The following MLLT3 variants were observed in gnomAD, a reference collection of about 807,000 sequenced individuals.
MLLT3 encodes the protein protein AF-9.
Under a neutral mutation model 53.2 loss-of-function variants are expected in MLLT3, and 4 were observed. The observed-to-expected ratio is 0.08, with a 90% CI of 0.04 to 0.17. The LOEUF (loss-of-function observed/expected upper bound fraction) is 0.17. Among genes scored for constraint, MLLT3 ranks in the 10% least tolerant of loss-of-function variants. MLLT3 has a pLI of 1.00. For synonymous variants in MLLT3, 283 were observed against 230.6 expected, an observed-to-expected ratio of 1.23 and a Z score of -2.06; for missense variants, 569 against 684.0, an observed-to-expected ratio of 0.83 and a Z score of 1.87.
At chr9:20,579,455 G>C (rs1036694256) in intron 2 of MLLT3, among the ~76,000 whole-genome samples, 1 of 151,798 alleles carries the variant, frequency 6.6e-6, no homozygotes, top group African/African-American at 2.4e-5. Context: ...TGGTATCATC[G>C]AGAAACAAGA....
At chr9:20,467,449 G>C (rs536509865) in intron 2 of MLLT3, among the ~76,000 whole-genome samples, 2 of 152,086 alleles carry the variant, frequency 1.3e-5, no homozygotes, top group South Asian at 4.2e-4. Flanking sequence ...GTGGTGGCAC[G>C]CGCCTGTAGT....
chr9:20,497,843 T>C (rs1010476571), intron 2 of MLLT3, among the ~76,000 whole-genome samples: 6 of 152,164 alleles, frequency 3.9e-5, no homozygotes, highest in Non-Finnish European at 7.4e-5. Context: ...AATGATTGGG[T>C]AGGTATGTCC....
chr9:20,484,406 T>C (rs1586985344), intron 2 of MLLT3, among the ~76,000 whole-genome samples: 1 of 152,222 alleles, frequency 6.6e-6, no homozygotes, highest in Admixed American at 6.5e-5. Context: ...GCTGTAGTAA[T>C]GCTGTATTGG....
At chr9:20,528,376 AC>A (rs1310708571) in intron 2 of MLLT3, among the ~76,000 whole-genome samples, 24 of 152,346 alleles carry the variant, frequency 1.6e-4, no homozygotes, top group African/African-American at 5.8e-4. Context: ...CCAAAACCCA[AC>A]TGGTAACAGG....
chr9:20,492,006 C>T (rs1337535772), intron 2 of MLLT3, among the ~76,000 whole-genome samples: 1 of 151,966 alleles, frequency 6.6e-6, no homozygotes, highest in Admixed American at 6.6e-5. Flanking sequence ...TGTACAGATA[C>T]TGTACTCATG....
chr9:20,486,177 G>A (rs1824807300), intron 2 of MLLT3, among the ~76,000 whole-genome samples: 1 of 151,926 alleles, frequency 6.6e-6, no homozygotes, highest in Non-Finnish European at 1.5e-5. Context: ...GAAAGATTCT[G>A]GTTATAATAC....
intron 10 of MLLT3, among the ~76,000 whole-genome samples, chr9:20,350,526 C>T (rs985342975): frequency 1.4e-4 from 21 of 145,042 alleles, no homozygotes; most frequent in East Asian, 4.2e-4. Flanking sequence ...ACCCGGGAGG[C>T]GGAGCTTGCA....
Position 20,620,571 on chromosome 9 carries a change from G to A in MLLT3, c.193+83C>T, listed in dbSNP as rs1242943862. The A allele has an allele frequency of 2.4e-6, 3 of 1,241,060 alleles. No homozygotes were observed. Among genetic ancestry groups the A allele is most frequent in the Non-Finnish European group, 3.2e-6 (3 of 935,220 alleles). 76.9% of individuals were successfully genotyped at this position (1,241,060 alleles called of 1,614,324 possible). A position where few individuals can be genotyped will look rare whatever the true frequency, so the allele number is the denominator to read the frequency against. ...CCGGCGAGCGCGGCGCGGGGGGCGG[G>A]GAGCGGGACAGCGGGACCGCCCGGG... On this transcript the variant is annotated intron_variant, in intron 2 of 10. Transcript: ENST00000380338. The surrounding 1 kb of genome is among the most constrained non-coding windows in gnomAD (Gnocchi z 6.1).
In MLLT3 at chr9:20,414,369, G is replaced by A. The variant is rs1201216919; in HGVS notation, c.477C>T (p.Ser159=). Residue 159 remains serine, a synonymous_variant, in exon 5 of 11, where the codon AGC becomes AGT. Coordinates refer to ENST00000380338, the MANE Select transcript of MLLT3 (RefSeq NM_004529.4). ...SSSSSSSSSS[S]SSSSSSSSSS... is the part of the protein sequence containing the mutation. ...TACTGCTGCTGCTGCTGCTGCTGCTGCTGCTGCTACTGCTGCTGCTGCTGC... is the reference window on the plus strand; with the variant it reads ...TACTGCTGCTGCTGCTGCTGCTGCTACTGCTGCTACTGCTGCTGCTGCTGC... 16 of 1,604,112 alleles carry A rather than the reference G, an allele frequency of 1.0e-5. No individual in the cohort carries two copies. The highest frequency in any genetic ancestry group is 1.7e-5 in the Admixed American group (1 of 59,688).
chr9:20,349,907 G>C (rs1019310017), intron 10 of MLLT3, among the ~76,000 whole-genome samples: 2 of 152,220 alleles, frequency 1.3e-5, no homozygotes, highest in African/African-American at 4.8e-5. Context: ...TAGATGCAGA[G>C]AAACAGCCTT....
chr9:20,423,485 G>A (rs1327581836), intron 4 of MLLT3, among the ~76,000 whole-genome samples: 1 of 152,074 alleles, frequency 6.6e-6, no homozygotes, highest in Admixed American at 6.5e-5. Flanking sequence ...CAAGGGTTCT[G>A]TATCCACAGA....
intron 5 of MLLT3, among the ~76,000 whole-genome samples, chr9:20,412,153 A>G (rs547099885): frequency 2.0e-4 from 30 of 152,322 alleles, no homozygotes; most frequent in African/African-American, 7.0e-4. Context: ...AAATTTGACA[A>G]TTTTGATTGA....
At chr9:20,582,546 T>C (rs1563829086) in intron 2 of MLLT3, among the ~76,000 whole-genome samples, 1 of 152,162 alleles carries the variant, frequency 6.6e-6, no homozygotes, top group Non-Finnish European at 1.5e-5. Flanking sequence ...CTTGTATCAG[T>C]CCTGTTTCAC....
At chr9:20,560,255 C>G (rs1332345029) in intron 2 of MLLT3, among the ~76,000 whole-genome samples, 3 of 152,026 alleles carry the variant, frequency 2.0e-5, no homozygotes, top group Non-Finnish European at 4.4e-5. Flanking sequence ...ACCCAGACAC[C>G]AGATCCCTTC....
intron 2 of MLLT3, among the ~76,000 whole-genome samples, chr9:20,575,586 A>G (rs1819632959): frequency 6.6e-6 from 1 of 152,218 alleles, no homozygotes; most frequent in Non-Finnish European, 1.5e-5. Flanking sequence ...CAGGCATAAT[A>G]ACTACAGTAA....
Position 20,369,919 on chromosome 9 carries a change from T to C in MLLT3, c.1126-4175A>G, listed in dbSNP as rs548394082. 7.2e-5 allele frequency among the ~76,000 whole-genome samples: 11 copies of C among 152,336 alleles called. No homozygotes were observed. The South Asian group carries it at 2.1e-3, about 29-fold the overall frequency. On this transcript the variant is annotated intron_variant, in intron 5 of 10. Transcript: ENST00000380338. ...TCTGTATACATGTAGGGCGTGCACA[T>C]GTGTGAATGCTAAACCAAAAATTCA... is the stretch of plus-strand genomic sequence containing the variant.
intron 5 of MLLT3, among the ~76,000 whole-genome samples, chr9:20,402,662 T>G (rs544405207): frequency 6.6e-6 from 1 of 151,796 alleles, no homozygotes; most frequent in South Asian, 2.1e-4. Context: ...GCCTAGTGAT[T>G]TTTTTCCCCC....
At chr9:20,554,379 G>A (rs1587063408) in intron 2 of MLLT3, among the ~76,000 whole-genome samples, 1 of 152,272 alleles carries the variant, frequency 6.6e-6, no homozygotes, top group East Asian at 1.9e-4. Context: ...CTCAGTTTCT[G>A]ATGGATCTTC....
chr9:20,461,694 G>A (rs760051280), intron 2 of MLLT3, among the ~76,000 whole-genome samples: 1 of 151,958 alleles, frequency 6.6e-6, no homozygotes, highest in Non-Finnish European at 1.5e-5. Flanking sequence ...GTATTATTAG[G>A]CAACAGTTTT....
Sources: gnomAD v4.1 joint callset for allele counts (sites outside exome capture counted in the v4.1 genomes callset) on GRCh38, gnomAD v4.1.1 for gene constraint, Gnocchi (gnomAD v3.1) non-coding constraint, MANE v1.5 for transcripts, NCBI Gene and HGNC (gene_info 2026-07-23, HGNC 2026-07-21) for gene names.